Variants in CYRIA observed in about 807,000 individuals in gnomAD.
CYRIA encodes the protein CYFIP related Rac1 interactor A.
CYRIA carries 15 observed loss-of-function variants against 43.9 expected under a neutral mutation model. The ratio of observed to expected loss-of-function variants is 0.34; its 90% CI spans 0.23 to 0.53. CYRIA has a LOEUF of 0.53. Ranked by LOEUF, CYRIA falls within the 20% of genes least tolerant of loss-of-function variation. CYRIA has a pLI of 0.94. For missense variants in CYRIA, 236 were observed against 394.2 expected (o/e 0.60, Z 3.40); for synonymous variants, 117 against 136.0 (o/e 0.86, Z 0.97).
At chr2:16,658,277 C>T (rs1670167613) in intron 1 of CYRIA, among the ~76,000 whole-genome samples, 1 of 152,082 alleles carries the variant, frequency 6.6e-6, no homozygotes, top group South Asian at 2.1e-4. Context: ...AATGTGTTGT[C>T]AGAGAAAGGA....
intron 1 of CYRIA, among the ~76,000 whole-genome samples, chr2:16,639,024 T>C (rs1669594219): frequency 6.6e-6 from 1 of 152,236 alleles, no homozygotes; most frequent in Non-Finnish European, 1.5e-5. Context: ...CTCTCAAGGC[T>C]GCATACAGAA....
At chr2:16,564,238 C>G in intron 4 of CYRIA, 144 bp from the exon 5 acceptor site, 1 of 585,208 alleles carries the variant, frequency 1.7e-6, no homozygotes. Flanking sequence ...ATCGGATGGT[C>G]CTCCAACATG....
At chr2:16,656,190 T>C (rs1670106528) in intron 1 of CYRIA, among the ~76,000 whole-genome samples, 1 of 151,924 alleles carries the variant, frequency 6.6e-6, no homozygotes, top group Admixed American at 6.6e-5. Flanking sequence ...CACATCCACA[T>C]ATTCACCCCC....
intron 1 of CYRIA, among the ~76,000 whole-genome samples, chr2:16,645,565 A>T (rs1669795311): frequency 6.6e-6 from 1 of 152,236 alleles, no homozygotes; most frequent in Admixed American, 6.5e-5. Context: ...CATGTATTCT[A>T]CCTTCAAGGT....
At position 16,614,531 on chromosome 2, in the gene CYRIA, C is replaced by T. The variant is rs1455443072; in HGVS notation, c.-11+9333G>A. On this transcript the variant is annotated intron_variant, in intron 2 of 11. Coordinates refer to ENST00000381323, the MANE Select transcript of CYRIA (RefSeq NM_030797.4). ...CAGTCCTCTACATTCGAACGCTTTG[C>T]CTTTCACCCTCTGGAGAGCCTGCAA... Among the ~76,000 whole-genome samples, 6 of 152,216 alleles carry T rather than the reference C, an allele frequency of 3.9e-5. No individual in the cohort carries two copies. The East Asian group carries it at 1.2e-3, about 29-fold the overall frequency.
intron 1 of CYRIA, among the ~76,000 whole-genome samples, chr2:16,660,525 T>C (rs1216834510): frequency 1.3e-5 from 2 of 152,232 alleles, no homozygotes; most frequent in African/African-American, 4.8e-5. Flanking sequence ...TTTCCTCCCC[T>C]GATTCTCCCA....
chr2:16,616,468 T>C (rs1455712064), intron 2 of CYRIA, among the ~76,000 whole-genome samples: 1 of 152,064 alleles, frequency 6.6e-6, no homozygotes, highest in Non-Finnish European at 1.5e-5. Flanking sequence ...GGCCTCTCAC[T>C]CCCTCTGAGA....
rs1187435501 is a variant in CYRIA at position 16,559,453 on chromosome 2, T to C, written c.837+7A>G. ...ATTTGGAAAGCACATTTCACAACTATTCTTACATCGATCTTGGATGTCTTG... is the reference window on the plus strand; with the variant it reads ...ATTTGGAAAGCACATTTCACAACTACTCTTACATCGATCTTGGATGTCTTG... On this transcript the variant is annotated splice_region_variant and intron_variant, in intron 10 of 11. Coordinates refer to ENST00000381323, the MANE Select transcript of CYRIA (RefSeq NM_030797.4). 1 of 1,611,486 alleles carries C rather than the reference T, an allele frequency of 6.2e-7. No homozygotes were observed. Among genetic ancestry groups the C allele is most frequent in the Admixed American group, 1.7e-5 (1 of 59,876 alleles).
At chr2:16,590,023 A>G (rs1667866092) in intron 2 of CYRIA, among the ~76,000 whole-genome samples, 1 of 151,922 alleles carries the variant, frequency 6.6e-6, no homozygotes, top group South Asian at 2.1e-4. Flanking sequence ...GACGCATCCT[A>G]GACATCTCTC....
chr2:16,630,294 A>G (rs1272501833), intron 1 of CYRIA, among the ~76,000 whole-genome samples: 1 of 152,078 alleles, frequency 6.6e-6, no homozygotes, highest in Admixed American at 6.5e-5. Flanking sequence ...AGGGACCCCC[A>G]CCTGGGCCCT....
intron 6 of CYRIA, among the ~76,000 whole-genome samples, 167 bp from the exon 7 acceptor site, chr2:16,561,700 T>A (rs1666739936): frequency 1.3e-5 from 2 of 152,186 alleles, no homozygotes; most frequent in South Asian, 4.1e-4. Context: ...ACTTCATTAT[T>A]TTAAAATATG....
At chr2:16,580,718 T>C (rs1259547881) in intron 3 of CYRIA, among the ~76,000 whole-genome samples, 1 of 152,194 alleles carries the variant, frequency 6.6e-6, no homozygotes, top group East Asian at 1.9e-4. Context: ...AAAGACTTAC[T>C]CTTTCTTGAC....
At chr2:16,557,427 G>C (rs567858638) in intron 10 of CYRIA, among the ~76,000 whole-genome samples, 9 of 152,048 alleles carry the variant, frequency 5.9e-5, no homozygotes, top group Non-Finnish European at 7.4e-5. Flanking sequence ...AGGCCCTCAC[G>C]AAGAGATCCT....
In CYRIA at chr2:16,559,484, A is replaced by T; in HGVS notation, c.813T>A (p.Ala271=). 1 of 1,612,948 alleles carries T rather than the reference A, an allele frequency of 6.2e-7. No homozygotes were observed. The highest frequency in any genetic ancestry group is 8.5e-7 in the Non-Finnish European group (1 of 1,179,336). Residue 271 remains alanine, a synonymous_variant, in exon 10 of 12, where the codon GCT becomes GCA. Transcript: ENST00000381323. ...ILYDHVHPVG[A]FCKTSKIDMK... is the part of the protein sequence containing the mutation. ...CATCGATCTTGGATGTCTTGCAGAA[A>T]GCTCCCACAGGGTGGACATGGTCAT...
chr2:16,553,322 T>G (rs1413157835), intron 11 of CYRIA, among the ~76,000 whole-genome samples: 1 of 152,112 alleles, frequency 6.6e-6, no homozygotes, highest in Non-Finnish European at 1.5e-5. Context: ...CCCTGCTAAC[T>G]CACAAATTTC....
At chr2:16,630,078 C>T (rs1254189902) in intron 1 of CYRIA, among the ~76,000 whole-genome samples, 1 of 152,164 alleles carries the variant, frequency 6.6e-6, no homozygotes, top group Admixed American at 6.5e-5. Flanking sequence ...AACCCTTATT[C>T]ACTGAGCATT....
chr2:16,642,885 T>C (rs998608193), intron 1 of CYRIA, among the ~76,000 whole-genome samples: 4 of 152,134 alleles, frequency 2.6e-5, no homozygotes, highest in African/African-American at 9.7e-5. Context: ...TGGCCTTCCC[T>C]GCAACAGCCA....
intron 1 of CYRIA, among the ~76,000 whole-genome samples, chr2:16,629,419 T>C (rs1200590211): frequency 1.3e-5 from 2 of 152,226 alleles, no homozygotes. Context: ...TGCTGTTCTT[T>C]TGAAGCCAGG....
chr2:16,661,662 CACTG>C (rs1372713230), intron 1 of CYRIA, among the ~76,000 whole-genome samples: 1 of 152,194 alleles, frequency 6.6e-6, no homozygotes, highest in Non-Finnish European at 1.5e-5. Context: ...TGAGTTACAA[CACTG>C]ACTGGTTCCA....
Sources: gnomAD v4.1 joint callset for allele counts (sites outside exome capture counted in the v4.1 genomes callset) on GRCh38, gnomAD v4.1.1 for gene constraint, MANE v1.5 for transcripts, NCBI Gene and HGNC (gene_info 2026-07-23, HGNC 2026-07-21) for gene names.